The following RTTN variants were observed in gnomAD, a reference collection of about 807,000 sequenced individuals.
The protein encoded by RTTN is rotatin.
RTTN carries 182 observed loss-of-function variants against 269.2 expected under a neutral mutation model. That is an observed-to-expected ratio of 0.68 (90% CI 0.60 to 0.76). The LOEUF (loss-of-function observed/expected upper bound fraction) is 0.76, where lower values mean the gene tolerates loss of function less well. RTTN is among the 30% of genes least tolerant of loss of function. RTTN has a pLI of 0.00. For missense variants in RTTN, 2,545 were observed against 2,608.6 expected (o/e 0.98, Z 0.53); for synonymous variants, 1,006 against 963.5 (o/e 1.04, Z -0.82).
intron 40 of RTTN, among the ~76,000 whole-genome samples, chr18:70,042,129 A>C (rs892276500): frequency 3.3e-5 from 5 of 151,952 alleles, no homozygotes; most frequent in Non-Finnish European, 7.4e-5. Context: ...CGAAAAAAAA[A>C]AACTTCACAG....
chr18:70,083,583 G>T (rs1207662226), intron 32 of RTTN, among the ~76,000 whole-genome samples: 1 of 151,840 alleles, frequency 6.6e-6, no homozygotes, highest in East Asian at 1.9e-4. Context: ...ATTAAAATGG[G>T]AATTGCAGTG....
chr18:70,139,578 A>G (rs1415565158), intron 21 of RTTN, 21 bp downstream of exon 21: 3 of 1,366,762 alleles, frequency 2.2e-6, no homozygotes. Flanking sequence ...TCTAATTATT[A>G]GCAGATTTTC....
Position 70,004,202 on chromosome 18 carries a change from G to C in RTTN, c.6630C>G (p.Ala2210=). The C allele has an allele frequency of 2.5e-6, 4 of 1,613,686 alleles. No individual in the cohort carries two copies. The highest frequency in any genetic ancestry group is 3.4e-6 in the Non-Finnish European group (4 of 1,179,704). The change falls in exon 49 of 49, where the codon GCC becomes GCG. Residue 2210 remains alanine (A), a synonymous_variant. Coordinates refer to ENST00000640769, the MANE Select transcript of RTTN (RefSeq NM_173630.4). ...FPNSEANPLN[A]YYLKCLENLV... is the part of the protein sequence containing the mutation. ...GGTTTTCAAGACATTTCAAATAATA[G>C]GCATTTAGAGGGTTTGCTTCTGAGT...
rs2061589607 is a variant in RTTN at position 70,188,157 on chromosome 18, G to T, written c.1256C>A (p.Ala419Glu). The T allele has an allele frequency of 1.2e-6, 2 of 1,611,882 alleles. No individual in the cohort carries two copies. The highest frequency in any genetic ancestry group is 8.5e-7 in the Non-Finnish European group (1 of 1,178,244). ...GTCATCCCAGATATCTGTTGAAATT[G>T]CTTCACCAATAAGTGTCATATCCTC... The part of the protein sequence containing the change: ...LTEDMTLIGE[A>E]ISTDIWDDSS... The change falls in exon 10 of 49, where the codon GCA (alanine) becomes GAA (glutamate). Residue 419 changes from alanine (A) to glutamate (E), a missense_variant. Physicochemically the swap from Ala to Glu is moderately radical, Grantham distance 107. Coordinates refer to ENST00000640769, the MANE Select transcript of RTTN (RefSeq NM_173630.4).
At chr18:70,004,921 C>T (rs1039945273) in intron 48 of RTTN, among the ~76,000 whole-genome samples, 6 of 152,176 alleles carry the variant, frequency 3.9e-5, no homozygotes, top group African/African-American at 1.4e-4. Context: ...GTTCTTATCA[C>T]TAAGAACATA....
At position 70,127,695 on chromosome 18, in the gene RTTN, TCA is replaced by T. The variant is rs1441634615; in HGVS notation, c.3188_3189del (p.Leu1063GlnfsTer7). 6.2e-7 allele frequency: 1 copy of T among 1,613,032 alleles called. No homozygotes were observed. Among genetic ancestry groups the T allele is most frequent in the Non-Finnish European group, 8.5e-7 (1 of 1,179,466 alleles). The stretch of plus-strand genomic sequence containing the variant: ...AGCCCACTAGCCATGTGTGTTATCT[TCA>T]GAGTGAGGATGTCCTCTGTAGATAA... ...LKLSTEDILT[L>X]KITHMASGLQ... On this transcript the variant is annotated frameshift_variant, in exon 25 of 49. Transcript: ENST00000640769. LOFTEE classifies it high-confidence loss of function.
At chr18:70,019,512 T>C (rs1013849914) in intron 45 of RTTN, 3 of 152,292 alleles carry the variant, frequency 2.0e-5, no homozygotes, top group Admixed American at 6.5e-5. Flanking sequence ...ATATATGACA[T>C]ACATGAACAT....
chr18:70,185,778 C>A, intron 10 of RTTN, among the ~76,000 whole-genome samples: 1 of 151,334 alleles, frequency 6.6e-6, no homozygotes, highest in South Asian at 2.1e-4. Context: ...TACCAGAAAA[C>A]AAAACAAAAC....
chr18:70,107,086 T>C (rs985317930), intron 28 of RTTN, among the ~76,000 whole-genome samples: 5 of 152,178 alleles, frequency 3.3e-5, no homozygotes, highest in African/African-American at 7.2e-5. Context: ...CAGGATGACA[T>C]TGAAACAAAG....
chr18:70,020,981 T>TAG (rs781184533), intron 44 of RTTN, 164 bp from the exon 45 acceptor site: 3 of 582,000 alleles, frequency 5.2e-6, no homozygotes, highest in Non-Finnish European at 9.1e-6. Flanking sequence ...GTCAACCTAA[T>TAG]AGATATACTG....
At position 70,090,521 on chromosome 18, in the gene RTTN, G is replaced by C. The variant is rs2058816928; in HGVS notation, c.4143+1589C>G. ...AAAGAGATGAGGTGAGGTGAATGAT[G>C]TAGGCATTGTGAGGGAGGGTTTGGC... On this transcript the variant is annotated intron_variant, in intron 30 of 48. Transcript: ENST00000640769. Among the ~76,000 whole-genome samples, 3 of 152,184 alleles carry C rather than the reference G, an allele frequency of 2.0e-5. No individual in the cohort carries two copies. The South Asian group carries it at 6.2e-4, about 32-fold the overall frequency.
chr18:70,075,122 G>T, intron 33 of RTTN: 1 of 333,944 alleles, frequency 3.0e-6, no homozygotes, highest in Non-Finnish European at 5.3e-6. Context: ...AGTGAAAGAA[G>T]GAAATACAAA....
At chr18:70,095,661 C>T (rs1279418394) in intron 28 of RTTN, among the ~76,000 whole-genome samples, 1 of 152,144 alleles carries the variant, frequency 6.6e-6, no homozygotes, top group Non-Finnish European at 1.5e-5. Context: ...GAGAGATCCG[C>T]TGGTAAGACT....
intron 40 of RTTN, among the ~76,000 whole-genome samples, chr18:70,034,381 G>A (rs1389826105): frequency 1.3e-5 from 2 of 152,226 alleles, no homozygotes; most frequent in Non-Finnish European, 2.9e-5. Context: ...TCCCTAGGAT[G>A]CAAGGTTGGT....
rs531633891 is a variant in RTTN at position 70,045,164 on chromosome 18, C to T, written c.5541+2807G>A. Among the ~76,000 whole-genome samples the T allele has an allele frequency of 2.0e-5, 3 of 152,236 alleles. No homozygotes were observed. In the South Asian group the frequency reaches 6.2e-4, roughly 32 times the overall value. Reference sequence around the variant, plus strand: ...AGTATGAATACTTTCAACATGTATCCCCTATGGGATACTGCTATAAAGCAC... The same window carrying T: ...AGTATGAATACTTTCAACATGTATCTCCTATGGGATACTGCTATAAAGCAC... On this transcript the variant is annotated intron_variant, in intron 40 of 48. Transcript: ENST00000640769.
intron 39 of RTTN, among the ~76,000 whole-genome samples, chr18:70,048,935 T>C (rs1203653326): frequency 6.6e-6 from 1 of 152,198 alleles, no homozygotes; most frequent in Non-Finnish European, 1.5e-5. Flanking sequence ...TCATTAACAT[T>C]ACTATTATGA....
chr18:70,105,399 G>C (rs1008346416), intron 28 of RTTN, among the ~76,000 whole-genome samples: 1 of 152,182 alleles, frequency 6.6e-6, no homozygotes, highest in African/African-American at 2.4e-5. Flanking sequence ...CATGTGTCAC[G>C]GCTTCCCTTG....
chr18:70,105,398 C>T (rs562686260), intron 28 of RTTN, among the ~76,000 whole-genome samples: 11 of 152,322 alleles, frequency 7.2e-5, no homozygotes, highest in Admixed American at 6.5e-5. Context: ...CCATGTGTCA[C>T]GGCTTCCCTT....
At chr18:70,066,021 G>A (rs1599359576) in intron 34 of RTTN, 99 bp from the exon 35 acceptor site, 1 of 709,420 alleles carries the variant, frequency 1.4e-6, no homozygotes, top group Admixed American at 3.2e-5. Context: ...GGAGGTTTAA[G>A]ACAAAATTAT....
Sources: allele counts gnomAD v4.1 joint callset (sites outside exome capture counted in the v4.1 genomes callset), GRCh38; gene constraint gnomAD v4.1.1; transcripts MANE v1.5; gene names NCBI Gene and HGNC (gene_info 2026-07-23, HGNC 2026-07-21).